SMARCA4: variants seen among roughly 807,000 people sequenced by gnomAD.
SMARCA4 encodes SWI/SNF-related matrix-associated actin-dependent regulator of chromatin subfamily A member 4.
Under a neutral mutation model 193.9 loss-of-function variants are expected in SMARCA4, and 31 were observed. The observed-to-expected ratio is 0.16, with a 90% CI of 0.12 to 0.22. SMARCA4 has a LOEUF of 0.22. Among genes scored for constraint, SMARCA4 ranks in the 10% least tolerant of loss-of-function variants. The pLI, the probability that SMARCA4 is intolerant of heterozygous loss-of-function variation, is 1.00. For missense variants in SMARCA4, 1,148 were observed against 2,296.0 expected (o/e 0.50, Z 10.22); for synonymous variants, 942 against 933.1 (o/e 1.01, Z -0.17).
chr19:10,991,207 A>G lies in SMARCA4; in HGVS notation c.1303A>G (p.Asn435Asp), dbSNP rs371062068. The G allele has an allele frequency of 3.7e-6, 6 of 1,613,868 alleles. No individual in the cohort carries two copies. Among genetic ancestry groups the G allele is most frequent in the Non-Finnish European group, 5.1e-6 (6 of 1,180,042 alleles). Residue 435 changes from asparagine to aspartate, a missense_variant, in exon 8 of 35, where the codon AAT (asparagine) becomes GAT (aspartate). Physicochemically the swap from Asn to Asp is conservative, Grantham distance 23. Coordinates refer to ENST00000344626, the MANE Select transcript of SMARCA4 (RefSeq NM_003072.5). ...RRDTALETAL[N>D]AKAYKRSKRQ... ...GGACACAGCGCTGGAGACAGCCCTCAATGCTAAGGCCTACAAGCGCAGCAA... is the reference window on the plus strand; with the variant it reads ...GGACACAGCGCTGGAGACAGCCCTCGATGCTAAGGCCTACAAGCGCAGCAA...
rs111624648 is a variant in SMARCA4 at position 11,034,606 on chromosome 19, G to A, written c.3952-308G>A. 0.011 allele frequency among the ~76,000 whole-genome samples: 1,736 copies of A among 152,276 alleles called. 15 individuals carry two copies. Among genetic ancestry groups the A allele is most frequent in the Non-Finnish European group, 0.016 (1,095 of 68,014 alleles). On this transcript the variant is annotated intron_variant, in intron 28 of 34. Transcript: ENST00000344626. This position sits in a 1 kb window ranked among gnomAD's most constrained non-coding sequence, Gnocchi z 7.0. ...CACCCAAGCAGGGGCCCCTTGGCCC[G>A]CAGGCCTCATGCCTCCACCAACGCT... is the stretch of plus-strand genomic sequence containing the variant.
At chr19:11,047,379 C>T (rs4804564) in intron 30 of SMARCA4, among the ~76,000 whole-genome samples, 144,085 of 151,388 alleles carry the variant, frequency 0.95, 68,675 homozygotes, top group East Asian at 1. Context: ...ACACAGAGCA[C>T]TGCCAACCAG....
intron 16 of SMARCA4, chr19:11,018,366 C>T (rs925724407): frequency 4.1e-5 from 9 of 220,458 alleles, no homozygotes; most frequent in African/African-American, 1.8e-4. Context: ...TCTGCCTGCC[C>T]CCATGTCCTC....
chr19:11,024,252 G>C, intron 20 of SMARCA4, 79 bp from the exon 21 acceptor site: 1 of 942,162 alleles, frequency 1.1e-6, no homozygotes, highest in Non-Finnish European at 1.8e-6. Flanking sequence ...GGGCCGAGGG[G>C]GTCAGAGCTG....
In SMARCA4 at chr19:11,057,626, G is replaced by C. The variant is rs141522259; in HGVS notation, c.4425-629G>C. Among the ~76,000 whole-genome samples the C allele has an allele frequency of 2.1e-3, 312 of 152,168 alleles. 4 individuals are homozygous for C. The highest frequency in any genetic ancestry group is 7.2e-3 in the African/African-American group (298 of 41,506). Reference sequence around the variant, plus strand: ...CATCTGTAATCCCAGCTACTCGGGAGGCTGAGGCAGGAGAATTGCTTGAGC... The same window carrying C: ...CATCTGTAATCCCAGCTACTCGGGACGCTGAGGCAGGAGAATTGCTTGAGC... On this transcript the variant is annotated intron_variant, in intron 30 of 34. Transcript: ENST00000344626.
Position 10,991,217 on chromosome 19 carries a change from C to G in SMARCA4, c.1313C>G (p.Ala438Gly), listed in dbSNP as rs2145879673. The G allele has an allele frequency of 1.2e-6, 2 of 1,613,938 alleles. No homozygotes were observed. The highest frequency in any genetic ancestry group is 1.7e-6 in the Non-Finnish European group (2 of 1,180,016). ...TALETALNAK[A>G]YKRSKRQSLR... ...CTGGAGACAGCCCTCAATGCTAAGG[C>G]CTACAAGCGCAGCAAGCGCCAGTCC... is the stretch of plus-strand genomic sequence containing the variant. Residue 438 changes from alanine (A) to glycine (G), a missense_variant, in exon 8 of 35, where the codon GCC (alanine) becomes GGC (glycine). Coordinates refer to ENST00000344626, the MANE Select transcript of SMARCA4 (RefSeq NM_003072.5).
rs143105144 is a variant in SMARCA4, at chr19:11,047,342, A to G, written c.4424+5782A>G. 8.0e-3 allele frequency among the ~76,000 whole-genome samples: 1,216 copies of G among 151,946 alleles called. 16 individuals are homozygous for G. Among genetic ancestry groups the G allele is most frequent in the African/African-American group, 0.027 (1,134 of 41,426 alleles). On this transcript the variant is annotated intron_variant, in intron 30 of 34. Coordinates refer to ENST00000344626, the MANE Select transcript of SMARCA4 (RefSeq NM_003072.5). ...TTGTCTCCTCCCTGTGGAGTTGAAG[A>G]CAGCGCTGATGTTCCCGGTGACGTT...
At chr19:11,007,031 G>A (rs775701327) in intron 13 of SMARCA4, among the ~76,000 whole-genome samples, 1 of 152,058 alleles carries the variant, frequency 6.6e-6, no homozygotes, top group Non-Finnish European at 1.5e-5. Context: ...AGGTAGCAGC[G>A]AGCTGAGATA....
chr19:11,025,280 C>T (rs2090170883), intron 21 of SMARCA4, 142 bp from the exon 22 acceptor site: 1 of 678,924 alleles, frequency 1.5e-6, no homozygotes. Flanking sequence ...GCCATCTCCT[C>T]ACTCCCAATT....
chr19:10,974,956 C>T (rs918765052), intron 1 of SMARCA4, among the ~76,000 whole-genome samples: 77 of 148,948 alleles, frequency 5.2e-4, no homozygotes, highest in African/African-American at 1.9e-3. Flanking sequence ...CCTCAGCTTC[C>T]GACAGTGCTG....
chr19:10,973,182 G>C (rs1037101284), intron 1 of SMARCA4, among the ~76,000 whole-genome samples: 9 of 151,954 alleles, frequency 5.9e-5, no homozygotes, highest in African/African-American at 2.2e-4. Context: ...TGTGACACTT[G>C]ATGCGGTTAC....
intron 30 of SMARCA4, among the ~76,000 whole-genome samples, chr19:11,045,642 CT>C (rs757114648): frequency 3.2e-3 from 465 of 143,672 alleles, no homozygotes; most frequent in Middle Eastern, 3.6e-3. Context: ...TGTTAGTCCA[CT>C]TTTTTTTTTT....
rs2074885169 is a variant in SMARCA4 at position 11,030,935 on chromosome 19, G to A, written c.3546+42G>A. 22 of 1,586,960 alleles carry A rather than the reference G, an allele frequency of 1.4e-5. No individual in the cohort carries two copies. The highest frequency in any genetic ancestry group is 1.9e-5 in the Non-Finnish European group (22 of 1,164,328). On this transcript the variant is annotated intron_variant, in intron 25 of 34. Coordinates refer to ENST00000344626, the MANE Select transcript of SMARCA4 (RefSeq NM_003072.5). This position sits in a 1 kb window ranked among gnomAD's most constrained non-coding sequence, Gnocchi z 5.5. ...CCCCAGGTCGAGGAGAAGGAAGGGGGTGCCTGCAAAACCTCGAGGAGACGG... is the reference window on the plus strand; with the variant it reads ...CCCCAGGTCGAGGAGAAGGAAGGGGATGCCTGCAAAACCTCGAGGAGACGG...
chr19:11,008,390 A>G (rs1194147608), intron 14 of SMARCA4: 3 of 352,002 alleles, frequency 8.5e-6, no homozygotes, highest in Non-Finnish European at 1.1e-5. Context: ...CAAAATGTGC[A>G]TATTTTTGTC....
At chr19:11,028,665 G>GA (rs2090430332) in intron 24 of SMARCA4, among the ~76,000 whole-genome samples, 1 of 152,228 alleles carries the variant, frequency 6.6e-6, no homozygotes, top group African/African-American at 2.4e-5. Context: ...AAAGGTCACC[G>GA]CCTGTGTTTC....
At position 11,019,766 on chromosome 19, in the gene SMARCA4, C is replaced by T. The variant is rs73500667; in HGVS notation, c.2616+65C>T. ...GTGCTCACACGTGGGTCACGCTGCC[C>T]GTCTCCTCCAAAGCCCCTACAAGTT... On this transcript the variant is annotated intron_variant, in intron 18 of 34. Coordinates refer to ENST00000344626, the MANE Select transcript of SMARCA4 (RefSeq NM_003072.5). The surrounding 1 kb of genome is among the most constrained non-coding windows in gnomAD (Gnocchi z 6.1). 3,350 of 1,105,328 alleles carry T rather than the reference C, an allele frequency of 3.0e-3. 74 individuals are homozygous for T. In the African/African-American group the frequency reaches 0.045, roughly 15 times the overall value. 68.5% of individuals were successfully genotyped at this position (1,105,328 alleles called of 1,614,324 possible).
intron 8 of SMARCA4, 94 bp downstream of exon 8, chr19:10,991,417 A>C: frequency 6.5e-7 from 1 of 1,533,644 alleles, no homozygotes. Context: ...CTTTGTTCCT[A>C]AACATGCTGC....
intron 7 of SMARCA4, among the ~76,000 whole-genome samples, chr19:10,989,843 A>G (rs945332709): frequency 6.6e-6 from 1 of 152,040 alleles, no homozygotes; most frequent in Non-Finnish European, 1.5e-5. Context: ...CTGGGATTAC[A>G]AGCGTGTGCC....
At position 10,984,134 on chromosome 19, in the gene SMARCA4, T is replaced by G. The variant is rs1159618998; in HGVS notation, c.-18T>G. 1.2e-6 allele frequency: 2 copies of G among 1,613,594 alleles called. No individual in the cohort carries two copies. On this transcript the variant is annotated 5_prime_UTR_variant, in exon 2 of 35. Transcript: ENST00000344626. The surrounding 1 kb of genome is among the most constrained non-coding windows in gnomAD (Gnocchi z 4.3). ...ACTGTCTTCCAGCAGGAGGCCACTG[T>G]CTGCAGCTCCCGTGAAGATGTCCAC...
Sources: gnomAD v4.1 joint callset for allele counts (sites outside exome capture counted in the v4.1 genomes callset) on GRCh38, gnomAD v4.1.1 for gene constraint, Gnocchi (gnomAD v3.1) non-coding constraint, MANE v1.5 for transcripts, NCBI Gene and HGNC (gene_info 2026-07-23, HGNC 2026-07-21) for gene names.